Variants in KMT2A observed in about 807,000 individuals in gnomAD.
KMT2A encodes the protein lysine methyltransferase 2A, also known as histone-lysine N-methyltransferase 2A.
KMT2A carries 16 observed loss-of-function variants against 345.3 expected under a neutral mutation model. The observed-to-expected ratio is 0.05, with a 90% CI of 0.03 to 0.07. KMT2A has a LOEUF of 0.07. KMT2A is among the 10% of genes least tolerant of loss of function. The pLI, the probability that KMT2A is intolerant of heterozygous loss-of-function variation, is 1.00. For missense variants in KMT2A, 3,272 were observed against 4,841.6 expected, an observed-to-expected ratio of 0.68 and a Z score of 9.62; for synonymous variants, 1,599 against 1,778.6, an observed-to-expected ratio of 0.90 and a Z score of 2.54.
At position 118,503,499 on chromosome 11, in the gene KMT2A, G is replaced by C. The variant is rs1555046704; in HGVS notation, c.7607G>C (p.Ser2536Thr). ...ACACCTCTAAAAATGGAAAATGAGA[G>C]TCAATCCAAAAATGCCCTGAAAGAA... ...TLTPLKMENESQSKNALKESS... is the reference protein window; with the variant it reads ...TLTPLKMENETQSKNALKESS... Residue 2536 changes from serine (S) to threonine (T), a missense_variant, in exon 27 of 36, where the codon AGT (serine) becomes ACT (threonine). Around this residue, in one of 27 missense-constraint regions of KMT2A, gnomAD observed 445 missense variants for 500.9 expected, o/e 0.89. Transcript: ENST00000534358. The surrounding 1 kb of genome is among the most constrained non-coding windows in gnomAD (Gnocchi z 5.3). 6.2e-7 allele frequency: 1 copy of C among 1,614,032 alleles called. No individual in the cohort carries two copies. The highest frequency in any genetic ancestry group is 1.3e-5 in the African/African-American group (1 of 74,918).
chr11:118,505,109 C>A lies in KMT2A; in HGVS notation c.9217C>A (p.His3073Asn), dbSNP rs376161579. The change falls in exon 27 of 36, where the codon CAC becomes AAC. Residue 3073 changes from histidine (H) to asparagine (N), a missense_variant. His to Asn is a moderately conservative substitution (Grantham distance 68, BLOSUM62 1). This residue lies in a region of KMT2A where 748 missense variants were observed against 922.2 expected (regional missense o/e 0.81). Transcript: ENST00000534358. The surrounding 1 kb of genome is among the most constrained non-coding windows in gnomAD (Gnocchi z 4.6). The part of the protein sequence containing the change: ...SNAAVQTTPP[H>N]LKPATEKLIV... ...TGCAGCTGTCCAGACCACTCCACCC[C>A]ACCTGAAGCCAGCCACTGAGAAACT... 18 of 1,614,032 alleles carry A rather than the reference C, an allele frequency of 1.1e-5. No homozygotes were observed. In the African/African-American group the frequency reaches 1.9e-4, roughly 17 times the overall value.
intron 1 of KMT2A, among the ~76,000 whole-genome samples, chr11:118,443,653 A>G (rs1949358596): frequency 6.6e-6 from 1 of 152,210 alleles, no homozygotes; most frequent in African/African-American, 2.4e-5. Flanking sequence ...CAACAAAGAT[A>G]TAAGAGTTAG....
rs970680792 is a variant in KMT2A at position 118,474,449 on chromosome 11, C to T, written c.3156+134C>T. 41 of 1,124,996 alleles carry T rather than the reference C, an allele frequency of 3.6e-5. No homozygotes were observed. The African/African-American group carries it at 5.8e-4, about 16-fold the overall frequency. The allele number at this position is 1,124,996 out of a possible 1,614,324, so 69.7% of individuals were successfully genotyped here. A position where few individuals can be genotyped will look rare whatever the true frequency, so the allele number is the denominator to read the frequency against. ...AGTATGGTGGAGGCAGTGGTATTTG[C>T]AGTAGTCCTTCAAGGACCAGTAGGA... On this transcript the variant is annotated intron_variant, in intron 3 of 35. Coordinates refer to ENST00000534358, the MANE Select transcript of KMT2A (RefSeq NM_001197104.2).
At chr11:118,507,707 G>A (rs1483419372) in intron 28 of KMT2A, 98 bp downstream of exon 28, 2 of 907,978 alleles carry the variant, frequency 2.2e-6, no homozygotes, top group African/African-American at 3.2e-5. Context: ...GCTCACGCCT[G>A]TAATCCTAGT....
In KMT2A at chr11:118,484,369, G is replaced by GA; in HGVS notation, c.4218+59dup. The GA allele has an allele frequency of 6.4e-7, 1 of 1,574,634 alleles. No homozygotes were observed. The highest frequency in any genetic ancestry group is 8.7e-7 in the Non-Finnish European group (1 of 1,151,764). ...TTGAGTGTCAAAGACTTTAAATAAA[G>GA]AAAATGCTACTACCAAAGGTGTTGA... On this transcript the variant is annotated intron_variant, in intron 9 of 35. Transcript: ENST00000534358. The surrounding 1 kb of genome is among the most constrained non-coding windows in gnomAD (Gnocchi z 4.1).
At chr11:118,483,868 T>TA (rs1310397066) in intron 8 of KMT2A, among the ~76,000 whole-genome samples, 1 of 152,042 alleles carries the variant, frequency 6.6e-6, no homozygotes, top group African/African-American at 2.4e-5. Flanking sequence ...ACAGTTGCTA[T>TA]AAAAAATTTA....
At chr11:118,507,665 T>A in intron 28 of KMT2A, 56 bp downstream of exon 28, 1 of 1,433,786 alleles carries the variant, frequency 7.0e-7, no homozygotes, top group Non-Finnish European at 9.8e-7. Flanking sequence ...CCACCTCATT[T>A]AAAAAATAGT....
At chr11:118,511,199 A>G (rs1184849172) in intron 30 of KMT2A, among the ~76,000 whole-genome samples, 1 of 152,228 alleles carries the variant, frequency 6.6e-6, no homozygotes, top group East Asian at 1.9e-4. Flanking sequence ...AGAGTTTACT[A>G]ATGAGAGTAT....
chr11:118,485,387 G>A (rs1950210447), intron 10 of KMT2A, among the ~76,000 whole-genome samples: 2 of 152,018 alleles, frequency 1.3e-5, no homozygotes, highest in South Asian at 2.1e-4. Flanking sequence ...ATAGGCAAAA[G>A]ACAGAAATAG....
chr11:118,513,623 A>G (rs1950736908), intron 31 of KMT2A, among the ~76,000 whole-genome samples: 2 of 152,090 alleles, frequency 1.3e-5, no homozygotes, highest in South Asian at 4.1e-4. Context: ...ATCTCCCACA[A>G]AATACAAATG....
chr11:118,508,720 C>CA (rs35633621), intron 28 of KMT2A, among the ~76,000 whole-genome samples: 1,539 of 93,286 alleles, frequency 0.016, 23 homozygotes, highest in African/African-American at 0.044. Context: ...GAACCTATCT[C>CA]AAAAAAAAAA....
Position 118,491,625 on chromosome 11 carries a change from A to T in KMT2A, c.4820-119A>T. 1.3e-6 allele frequency: 1 copy of T among 785,544 alleles called. No individual in the cohort carries two copies. Among genetic ancestry groups the T allele is most frequent in the Non-Finnish European group, 2.0e-6 (1 of 506,006 alleles). 48.7% of individuals were successfully genotyped at this position (785,544 alleles called of 1,614,324 possible). A position where few individuals can be genotyped will look rare whatever the true frequency, so the allele number is the denominator to read the frequency against. On this transcript the variant is annotated intron_variant, in intron 14 of 35. Transcript: ENST00000534358. The surrounding 1 kb of genome is among the most constrained non-coding windows in gnomAD (Gnocchi z 4.2). ...TATGTGTCATATCCATGAGGACATT[A>T]AAATCTTAATGTGGTTCCCAACATA...
chr11:118,488,600 T>C lies in KMT2A; in HGVS notation c.4333-14T>C, dbSNP rs782187884. The C allele has an allele frequency of 1.9e-6, 3 of 1,612,930 alleles. No individual in the cohort carries two copies. Among genetic ancestry groups the C allele is most frequent in the Admixed American group, 3.3e-5 (2 of 59,942 alleles). ...TATTTGACATACTTCTATCTTCCCA[T>C]GTTCTTACTATAGTTTGTGTATTGC... On this transcript the variant is annotated splice_polypyrimidine_tract_variant and intron_variant, in intron 10 of 35. Coordinates refer to ENST00000534358, the MANE Select transcript of KMT2A (RefSeq NM_001197104.2).
intron 1 of KMT2A, among the ~76,000 whole-genome samples, chr11:118,445,084 T>G (rs2134180083): frequency 6.6e-6 from 1 of 151,942 alleles, no homozygotes; most frequent in East Asian, 1.9e-4. Flanking sequence ...AAATAACTGG[T>G]TTTTATTACA....
chr11:118,457,878 A>T (rs1949677099), intron 1 of KMT2A, among the ~76,000 whole-genome samples: 2 of 152,034 alleles, frequency 1.3e-5, no homozygotes, highest in Admixed American at 1.3e-4. Context: ...AACATACGAT[A>T]CTTCATTAAT....
At position 118,502,839 on chromosome 11, in the gene KMT2A, C is replaced by T. The variant is rs868962249; in HGVS notation, c.6947C>T (p.Ser2316Phe). Residue 2316 changes from serine to phenylalanine, a missense_variant, in exon 27 of 36, where the codon TCC becomes TTC. Physicochemically the swap from Ser to Phe is radical, Grantham distance 155. Coordinates refer to ENST00000534358, the MANE Select transcript of KMT2A (RefSeq NM_001197104.2). The surrounding 1 kb of genome is among the most constrained non-coding windows in gnomAD (Gnocchi z 4.9). ...LKGEKTKVLS[S>F]KSSEGSAHNV... ...GGAGAGAAGACCAAAGTGCTGAGTT[C>T]CAAGAGCTCAGAGGGATCTGCACAT... 1 of 1,614,162 alleles carries T rather than the reference C, an allele frequency of 6.2e-7. No individual in the cohort carries two copies. Among genetic ancestry groups the T allele is most frequent in the East Asian group, 2.2e-5 (1 of 44,886 alleles).
At chr11:118,457,257 CTTTTTTT>C (rs782636684) in intron 1 of KMT2A, among the ~76,000 whole-genome samples, 4 of 89,058 alleles carry the variant, frequency 4.5e-5, no homozygotes, top group Non-Finnish European at 8.2e-5. Context: ...CACCTCCTGC[CTTTTTTT>C]TTTTTTTTTT....
intron 1 of KMT2A, chr11:118,447,991 A>C (rs1555027645): frequency 6.5e-6 from 1 of 154,628 alleles, no homozygotes; most frequent in Non-Finnish European, 1.4e-5. Context: ...ACATATGTAT[A>C]AAATGACCTC....
chr11:118,477,451 G>A lies in KMT2A; in HGVS notation c.3334+469G>A, dbSNP rs139485216. ...ATTCTCGATTTTAGATTAGACTTTTGTTTTCAGTATTTGGAATTTTGCTTT... is the reference window on the plus strand; with the variant it reads ...ATTCTCGATTTTAGATTAGACTTTTATTTTCAGTATTTGGAATTTTGCTTT... On this transcript the variant is annotated intron_variant, in intron 4 of 35. Coordinates refer to ENST00000534358, the MANE Select transcript of KMT2A (RefSeq NM_001197104.2). Among the ~76,000 whole-genome samples, 565 of 99,544 alleles carry A rather than the reference G, an allele frequency of 5.7e-3. 1 individual carries two copies. The highest frequency in any genetic ancestry group is 7.3e-3 in the Non-Finnish European group (344 of 46,914). 65.3% of individuals were successfully genotyped at this position (99,544 alleles called of 152,430 possible).
Sources: gnomAD v4.1 joint callset for allele counts (sites outside exome capture counted in the v4.1 genomes callset) on GRCh38, gnomAD v4.1.1 for gene constraint, gnomAD v4.1.1 regional missense constraint, Gnocchi (gnomAD v3.1) non-coding constraint, MANE v1.5 for transcripts, NCBI Gene and HGNC (gene_info 2026-07-23, HGNC 2026-07-21) for gene names.